Variants in CACNA2D3 observed in about 807,000 individuals in gnomAD.
The protein encoded by CACNA2D3 is calcium voltage-gated channel auxiliary subunit alpha2delta 3, also known as voltage-dependent calcium channel subunit alpha-2/delta-3.
CACNA2D3 carries 60 observed loss-of-function variants against 160.6 expected under a neutral mutation model. That is an observed-to-expected ratio of 0.37 (90% CI 0.30 to 0.46). The LOEUF (loss-of-function observed/expected upper bound fraction) is 0.46. Ranked by LOEUF, CACNA2D3 falls within the 20% of genes least tolerant of loss-of-function variation. The probability of loss-of-function intolerance (pLI) is 1.00; values close to 1 mark genes in which losing one functional copy is unlikely to be tolerated. For missense variants in CACNA2D3, 1,205 were observed against 1,365.0 expected (o/e 0.88, Z 1.85); for synonymous variants, 558 against 492.9 (o/e 1.13, Z -1.75).
At chr3:54,251,536 G>C (rs1702190121) in intron 2 of CACNA2D3, among the ~76,000 whole-genome samples, 1 of 152,168 alleles carries the variant, frequency 6.6e-6, no homozygotes. Context: ...TGCAGACGGT[G>C]GCATTGTAGT....
Position 54,644,533 on chromosome 3 carries a change from C to T in CACNA2D3, c.1167+2292C>T, listed in dbSNP as rs73068456. On this transcript the variant is annotated intron_variant, in intron 11 of 37. Transcript: ENST00000474759. ...AGATGATGAGCAATGTCTGAGCAGT[C>T]ATCTTTCTCCATTATTTTGAATGTT... Among the ~76,000 whole-genome samples, 469 of 152,278 alleles carry T rather than the reference C, an allele frequency of 3.1e-3. 2 individuals are homozygous for T. Among genetic ancestry groups the T allele is most frequent in the Non-Finnish European group, 5.4e-3 (364 of 68,024 alleles).
chr3:55,051,420 C>G (rs56697604), intron 35 of CACNA2D3, among the ~76,000 whole-genome samples: 4 of 152,056 alleles, frequency 2.6e-5, no homozygotes, highest in East Asian at 3.9e-4. Context: ...GCTGCCCGGG[C>G]GTCAGGGGTC....
At chr3:54,782,427 G>A (rs1458002828) in intron 13 of CACNA2D3, among the ~76,000 whole-genome samples, 6 of 152,118 alleles carry the variant, frequency 3.9e-5, no homozygotes, top group Admixed American at 3.9e-4. Flanking sequence ...CTCAATAAGT[G>A]CTAATCATTA....
chr3:54,466,102 A>G (rs1216246515), intron 4 of CACNA2D3, among the ~76,000 whole-genome samples: 2 of 151,824 alleles, frequency 1.3e-5, no homozygotes, highest in Non-Finnish European at 2.9e-5. Flanking sequence ...GCCAGGGAAA[A>G]CTCTGCTTTT....
intron 27 of CACNA2D3, among the ~76,000 whole-genome samples, chr3:54,959,895 G>A (rs1346878807): frequency 1.3e-5 from 2 of 152,036 alleles, no homozygotes; most frequent in African/African-American, 2.4e-5. Context: ...GATGAAGTCT[G>A]GAAAAATGCT....
At chr3:54,779,060 C>T (rs1702482093) in intron 13 of CACNA2D3, among the ~76,000 whole-genome samples, 1 of 151,954 alleles carries the variant, frequency 6.6e-6, no homozygotes, top group African/African-American at 2.4e-5. Context: ...ATTACTTTTG[C>T]CCACCGTTAT....
intron 13 of CACNA2D3, among the ~76,000 whole-genome samples, chr3:54,773,190 T>G (rs1257600109): frequency 1.3e-5 from 2 of 152,224 alleles, no homozygotes; most frequent in South Asian, 4.1e-4. Flanking sequence ...ATTTGATAAA[T>G]TGCACATTTG....
At chr3:54,615,639 G>A (rs1360334442) in intron 9 of CACNA2D3, among the ~76,000 whole-genome samples, 1 of 152,200 alleles carries the variant, frequency 6.6e-6, no homozygotes, top group Non-Finnish European at 1.5e-5. Context: ...AATGTTTACA[G>A]ATGAAATAAT....
intron 4 of CACNA2D3, among the ~76,000 whole-genome samples, chr3:54,503,168 A>T (rs1701319916): frequency 6.6e-6 from 1 of 152,232 alleles, no homozygotes; most frequent in African/African-American, 2.4e-5. Flanking sequence ...AATATAGGCT[A>T]CATAAAGTCA....
At position 54,524,770 on chromosome 3, in the gene CACNA2D3, T is replaced by C. The variant is rs559036660; in HGVS notation, c.544+21116T>C. Among the ~76,000 whole-genome samples, 5 of 152,274 alleles carry C rather than the reference T, an allele frequency of 3.3e-5. No individual in the cohort carries two copies. The South Asian group carries it at 1.0e-3, about 32-fold the overall frequency. ...TTATCTTCAGTAACTTTTTTTGTTT[T>C]AAAATCTATTTGTCTCATATTATTC... is the stretch of plus-strand genomic sequence containing the variant. On this transcript the variant is annotated intron_variant, in intron 5 of 37. Coordinates refer to ENST00000474759, the MANE Select transcript of CACNA2D3 (RefSeq NM_018398.3).
At chr3:54,717,781 A>C (rs1250236873) in intron 11 of CACNA2D3, among the ~76,000 whole-genome samples, 1 of 60,046 alleles carries the variant, frequency 1.7e-5, no homozygotes, top group Non-Finnish European at 3.4e-5. Flanking sequence ...GTGTGTGTGC[A>C]TGTGCGTGTG....
chr3:54,454,261 T>A (rs982808928), intron 4 of CACNA2D3, among the ~76,000 whole-genome samples: 1 of 152,162 alleles, frequency 6.6e-6, no homozygotes, highest in East Asian at 1.9e-4. Context: ...ACACTTTAAG[T>A]GTACAATTTG....
intron 27 of CACNA2D3, among the ~76,000 whole-genome samples, chr3:54,921,831 A>C (rs926300605): frequency 6.6e-6 from 1 of 152,172 alleles, no homozygotes; most frequent in Non-Finnish European, 1.5e-5. Context: ...ATTTTATTGC[A>C]TATATAACTA....
At chr3:54,600,919 T>C (rs1165637762) in intron 9 of CACNA2D3, among the ~76,000 whole-genome samples, 1 of 152,074 alleles carries the variant, frequency 6.6e-6, no homozygotes, top group African/African-American at 2.4e-5. Context: ...TTCTTCAATT[T>C]TGACTCACTT....
At chr3:54,150,803 G>A (rs1365500821) in intron 2 of CACNA2D3, among the ~76,000 whole-genome samples, 1 of 151,350 alleles carries the variant, frequency 6.6e-6, no homozygotes, top group Non-Finnish European at 1.5e-5. Flanking sequence ...GTGTAGCTGT[G>A]GAATTGGTGC....
At chr3:54,751,260 T>G (rs1701852080) in intron 11 of CACNA2D3, among the ~76,000 whole-genome samples, 1 of 152,122 alleles carries the variant, frequency 6.6e-6, no homozygotes, top group Admixed American at 6.5e-5. Flanking sequence ...GGAGCTGTGA[T>G]AAATAAAGTA....
chr3:54,489,965 C>T (rs1004819676), intron 4 of CACNA2D3, among the ~76,000 whole-genome samples: 4 of 152,050 alleles, frequency 2.6e-5, no homozygotes, highest in East Asian at 3.8e-4. Context: ...AGTAACCAGA[C>T]GGCACTAAAC....
At chr3:54,795,009 A>G (rs1425602384) in intron 13 of CACNA2D3, among the ~76,000 whole-genome samples, 1 of 152,130 alleles carries the variant, frequency 6.6e-6, no homozygotes, top group African/African-American at 2.4e-5. Context: ...CTCCAAAACC[A>G]TCCTGGACTT....
chr3:54,285,377 G>T (rs1053803494), intron 2 of CACNA2D3, among the ~76,000 whole-genome samples: 1 of 152,216 alleles, frequency 6.6e-6, no homozygotes, highest in Non-Finnish European at 1.5e-5. Flanking sequence ...CAGCGAGGCT[G>T]GGGGAGGGTC....
Sources: allele counts gnomAD v4.1 joint callset (sites outside exome capture counted in the v4.1 genomes callset), GRCh38; gene constraint gnomAD v4.1.1; transcripts MANE v1.5; gene names NCBI Gene and HGNC (gene_info 2026-07-23, HGNC 2026-07-21).